Variants in CCDC171 observed in about 807,000 individuals in gnomAD.
CCDC171 encodes the protein coiled-coil domain-containing protein 171.
CCDC171 carries 177 observed loss-of-function variants against 168.2 expected under a neutral mutation model. The ratio of observed to expected loss-of-function variants is 1.05; its 90% CI spans 0.93 to 1.19. CCDC171 has a LOEUF of 1.19. Among genes scored for constraint, CCDC171 ranks in the 50% most tolerant of loss-of-function variants. CCDC171 has a pLI of 0.00. For missense variants in CCDC171, 1,991 were observed against 1,539.0 expected (o/e 1.29, Z -4.91); for synonymous variants, 687 against 540.8 (o/e 1.27, Z -3.75).
intron 24 of CCDC171, among the ~76,000 whole-genome samples, chr9:15,893,915 C>T (rs1820540985): frequency 6.6e-6 from 1 of 152,070 alleles, no homozygotes; most frequent in East Asian, 1.9e-4. Context: ...CCCAGCAATC[C>T]CATTACTGGG....
intron 21 of CCDC171, among the ~76,000 whole-genome samples, chr9:15,823,012 A>T (rs1563810369): frequency 6.6e-6 from 1 of 152,134 alleles, no homozygotes; most frequent in African/African-American, 2.4e-5. Context: ...GCCATAAAAA[A>T]TGGTGAGTTC....
intron 7 of CCDC171, among the ~76,000 whole-genome samples, chr9:15,648,240 A>G (rs961541447): frequency 6.6e-6 from 1 of 152,200 alleles, no homozygotes; most frequent in Non-Finnish European, 1.5e-5. Context: ...TATTGATGGG[A>G]CGTATCTCAA....
At chr9:15,809,785 G>C (rs1194312252) in intron 21 of CCDC171, among the ~76,000 whole-genome samples, 5 of 152,196 alleles carry the variant, frequency 3.3e-5, no homozygotes, top group East Asian at 1.9e-4. Flanking sequence ...AAAGAACAAA[G>C]CTTCCACAAT....
chr9:16,002,558 C>T (rs2987042), intron 3 of CCDC171, among the ~76,000 whole-genome samples: 62,883 of 151,696 alleles, frequency 0.41, 13,131 homozygotes, highest in South Asian at 0.52. Flanking sequence ...GATTAAAAGT[C>T]TATAAAGTAG....
At chr9:15,754,610 G>A (rs7866664) in intron 18 of CCDC171, among the ~76,000 whole-genome samples, 1 of 152,080 alleles carries the variant, frequency 6.6e-6, no homozygotes, top group Non-Finnish European at 1.5e-5. Flanking sequence ...CTCTACAGGG[G>A]AGGCAATACT....
At chr9:15,935,100 A>G (rs1826965109) in intron 25 of CCDC171, among the ~76,000 whole-genome samples, 1 of 152,082 alleles carries the variant, frequency 6.6e-6, no homozygotes, top group Admixed American at 6.6e-5. Flanking sequence ...TGGTGGCACA[A>G]TGTTGTGAAT....
At chr9:16,084,890 A>G in the CCDC171 span, among the ~76,000 whole-genome samples, 2 of 152,328 alleles carry the variant, frequency 1.3e-5, no homozygotes, top group Admixed American at 6.5e-5. Context: ...CAGGGTTCCA[A>G]TCCAAACTGG....
At chr9:15,611,936 T>C (rs1168433928) in intron 6 of CCDC171, among the ~76,000 whole-genome samples, 1 of 152,184 alleles carries the variant, frequency 6.6e-6, no homozygotes, top group Non-Finnish European at 1.5e-5. Flanking sequence ...TTCAGGAGAT[T>C]ATTAGGTCTT....
intron 25 of CCDC171, among the ~76,000 whole-genome samples, chr9:15,931,320 T>C (rs566377790): frequency 6.6e-6 from 1 of 151,892 alleles, no homozygotes; most frequent in East Asian, 1.9e-4. Flanking sequence ...GGTTTTGATT[T>C]GCATTTCCCT....
chr9:15,994,202 A>T (rs1832297292), intron 3 of CCDC171, among the ~76,000 whole-genome samples: 1 of 152,218 alleles, frequency 6.6e-6, no homozygotes, highest in Admixed American at 6.5e-5. Context: ...TCCATCAATG[A>T]TAGACTGGAT....
At chr9:15,776,791 CT>C (rs147818438) in intron 18 of CCDC171, among the ~76,000 whole-genome samples, 2 of 152,196 alleles carry the variant, frequency 1.3e-5, no homozygotes, top group Non-Finnish European at 2.9e-5. Context: ...GCTTTTTGTG[CT>C]TATGATGTAA....
At chr9:15,746,426 T>G (rs912686208) in intron 18 of CCDC171, among the ~76,000 whole-genome samples, 3 of 152,250 alleles carry the variant, frequency 2.0e-5, no homozygotes, top group African/African-American at 7.2e-5. Context: ...TATTTTTAAG[T>G]TGTGGCCATC....
chr9:15,618,346 A>G (rs1452728051), intron 6 of CCDC171, among the ~76,000 whole-genome samples: 1 of 152,170 alleles, frequency 6.6e-6, no homozygotes, highest in Non-Finnish European at 1.5e-5. Context: ...CGAAAGCCTC[A>G]GTAATGGCGG....
At chr9:15,724,146 G>A (rs2053658159) in intron 13 of CCDC171, among the ~76,000 whole-genome samples, 1 of 152,082 alleles carries the variant, frequency 6.6e-6, no homozygotes, top group Non-Finnish European at 1.5e-5. Context: ...TCTGTTAATG[G>A]GCTGAGACCA....
At chr9:16,029,017 C>T (rs1833323562) in intron 6 of CCDC171, among the ~76,000 whole-genome samples, 2 of 152,056 alleles carry the variant, frequency 1.3e-5, no homozygotes, top group Non-Finnish European at 2.9e-5. Flanking sequence ...CATAGAGCCC[C>T]CTCTTGGCCT....
chr9:15,660,682 A>G (rs1344565909), intron 8 of CCDC171, among the ~76,000 whole-genome samples: 3 of 152,182 alleles, frequency 2.0e-5, no homozygotes, highest in Non-Finnish European at 2.9e-5. Context: ...GTAGTAATCC[A>G]TGGTAAGTAT....
At position 15,849,287 on chromosome 9, in the gene CCDC171, C is replaced by T. The variant is rs192930216; in HGVS notation, c.3468+340C>T. On this transcript the variant is annotated intron_variant, in intron 23 of 25. Coordinates refer to ENST00000380701, the MANE Select transcript of CCDC171 (RefSeq NM_173550.4). ...AATGTTTTACCACAGTGTCTAACCT[C>T]TTACCACTCTTAAACCAATGGTCCT... Among the ~76,000 whole-genome samples the T allele has an allele frequency of 6.9e-3, 1,051 of 151,294 alleles. 16 individuals carry two copies. The highest frequency in any genetic ancestry group is 0.035 in the Admixed American group (535 of 15,142).
chr9:15,602,647 C>CTTTTTTTTTTTTTTTTTTT lies in CCDC171; in HGVS notation c.675+8483_675+8501dup, dbSNP rs1161286304. On this transcript the variant is annotated intron_variant, in intron 6 of 25. Coordinates refer to ENST00000380701, the MANE Select transcript of CCDC171 (RefSeq NM_173550.4). ...TTTCTCATTTCTTTTTTTTTTTTTT[C>CTTTTTTTTTTTTTTTTTTT]TTTTTTTTTTTTTTTTTTTTTTTTT... is the stretch of plus-strand genomic sequence containing the variant. Among the ~76,000 whole-genome samples the CTTTTTTTTTTTTTTTTTTT allele has an allele frequency of 3.1e-3, 93 of 30,432 alleles. 2 individuals are homozygous for CTTTTTTTTTTTTTTTTTTT. The highest frequency in any genetic ancestry group is 3.5e-3 in the Non-Finnish European group (59 of 16,896). The allele number at this position is 30,432 out of a possible 152,430, so 20.0% of individuals were successfully genotyped here.
intron 10 of CCDC171, among the ~76,000 whole-genome samples, chr9:15,681,910 A>G (rs1035717030): frequency 1.3e-5 from 2 of 151,988 alleles, no homozygotes; most frequent in African/African-American, 2.4e-5. Flanking sequence ...TACATACCCT[A>G]GTGTGTCTTT....
Sources: gnomAD v4.1 joint callset for allele counts (sites outside exome capture counted in the v4.1 genomes callset) on GRCh38, gnomAD v4.1.1 for gene constraint, MANE v1.5 for transcripts, NCBI Gene and HGNC (gene_info 2026-07-23, HGNC 2026-07-21) for gene names.